Variants in RBFOX3 observed in about 807,000 individuals in gnomAD.
RBFOX3 encodes the protein RNA binding fox-1 homolog 3, also known as RNA binding protein fox-1 homolog 3.
In RBFOX3, 17 loss-of-function variants were observed where a neutral mutation model predicts 48.7. That is an observed-to-expected ratio of 0.35 (90% CI 0.24 to 0.52). The LOEUF is 0.52. RBFOX3 is among the 20% of genes least tolerant of loss of function. RBFOX3 has a pLI of 0.94. For synonymous variants in RBFOX3, 212 were observed against 209.5 expected (o/e 1.01, Z -0.10); for missense variants, 382 against 497.5 (o/e 0.77, Z 2.21).
chr17:79,230,656 C>T (rs913862505), intron 4 of RBFOX3, among the ~76,000 whole-genome samples: 5 of 152,148 alleles, frequency 3.3e-5, no homozygotes, highest in Admixed American at 2.6e-4. Flanking sequence ...CTGCAGAGCC[C>T]TCATCATTGA....
At position 79,482,341 on chromosome 17, in the gene RBFOX3, A is replaced by G. The variant is rs1293979383; in HGVS notation, c.-175+113T>C. The G allele has an allele frequency of 6.6e-6, 1 of 152,194 alleles. No homozygotes were observed. Among genetic ancestry groups the G allele is most frequent in the Admixed American group, 6.5e-5 (1 of 15,282 alleles). The allele number at this position is 152,194 out of a possible 1,614,324, so 9.4% of individuals were successfully genotyped here. Reference sequence around the variant, plus strand: ...TGAAAGCTATAGAGAGCAGCACAGAACGCCCCTACCCCACAACCCTTGCTG... The same window carrying G: ...TGAAAGCTATAGAGAGCAGCACAGAGCGCCCCTACCCCACAACCCTTGCTG... On this transcript the variant is annotated intron_variant, in intron 2 of 14. Transcript: ENST00000693108. This position sits in a 1 kb window ranked among gnomAD's most constrained non-coding sequence, Gnocchi z 4.1.
rs1017793740 is a variant in RBFOX3 at position 79,111,866 on chromosome 17, G to A, written c.222+3628C>T. Among the ~76,000 whole-genome samples the A allele has an allele frequency of 2.6e-5, 4 of 152,264 alleles. No homozygotes were observed. The highest frequency in any genetic ancestry group is 5.9e-5 in the Non-Finnish European group (4 of 68,054). On this transcript the variant is annotated intron_variant, in intron 5 of 14. Transcript: ENST00000693108. This position sits in a 1 kb window ranked among gnomAD's most constrained non-coding sequence, Gnocchi z 4.2. ...CTGGGGAACACAGACCCTGGGGGTGGCTCAAGGTAGTGAGATGGGGTCCCC... is the reference window on the plus strand; with the variant it reads ...CTGGGGAACACAGACCCTGGGGGTGACTCAAGGTAGTGAGATGGGGTCCCC...
At chr17:79,313,970 T>C (rs1380247457) in intron 2 of RBFOX3, among the ~76,000 whole-genome samples, 1 of 152,198 alleles carries the variant, frequency 6.6e-6, no homozygotes, top group Non-Finnish European at 1.5e-5. Context: ...TGCCCGCAAC[T>C]GCTGGGAGGG....
intron 5 of RBFOX3, among the ~76,000 whole-genome samples, chr17:79,109,540 C>T (rs574285031): frequency 2.1e-3 from 322 of 152,336 alleles, no homozygotes; most frequent in Non-Finnish European, 3.8e-3. Context: ...GCTAGACCTC[C>T]GGAGGGGACG....
rs1032528856 is a variant in RBFOX3, at chr17:79,220,836, G to A, written c.-34+14930C>T. Reference sequence around the variant, plus strand: ...GAAGCAGCTCCTGCAGAGGCGGGGCGGCTCTCCAGGCCTGGAGCGTGGGCC... The same window carrying A: ...GAAGCAGCTCCTGCAGAGGCGGGGCAGCTCTCCAGGCCTGGAGCGTGGGCC... On this transcript the variant is annotated intron_variant, in intron 4 of 14. Coordinates refer to ENST00000693108, the MANE Select transcript of RBFOX3 (RefSeq NM_001350451.2). This position sits in a 1 kb window ranked among gnomAD's most constrained non-coding sequence, Gnocchi z 5.9. 2.6e-5 allele frequency among the ~76,000 whole-genome samples: 4 copies of A among 152,066 alleles called. No individual in the cohort carries two copies. Among genetic ancestry groups the A allele is most frequent in the African/African-American group, 7.2e-5 (3 of 41,390 alleles).
At chr17:79,430,279 A>AAT (rs1321390717) in intron 2 of RBFOX3, among the ~76,000 whole-genome samples, 1 of 149,976 alleles carries the variant, frequency 6.7e-6, no homozygotes, top group African/African-American at 2.5e-5. Flanking sequence ...CAAATAAATA[A>AAT]ATAAATAAAT....
chr17:79,163,789 C>T (rs2047448638), intron 4 of RBFOX3, among the ~76,000 whole-genome samples: 2 of 151,078 alleles, frequency 1.3e-5, no homozygotes, highest in South Asian at 4.2e-4. Context: ...AGATGCAGAA[C>T]GGGTCTCCTG....
intron 3 of RBFOX3, among the ~76,000 whole-genome samples, chr17:79,248,679 C>T (rs2063507422): frequency 6.6e-6 from 1 of 152,244 alleles, no homozygotes; most frequent in Non-Finnish European, 1.5e-5. Flanking sequence ...TGCACATCTC[C>T]TCCAGAGGAT....
At chr17:79,488,016 A>G (rs2079911328) in intron 1 of RBFOX3, among the ~76,000 whole-genome samples, 1 of 151,772 alleles carries the variant, frequency 6.6e-6, no homozygotes, top group Admixed American at 6.6e-5. Flanking sequence ...TCAGGCTCCT[A>G]GAGGTGGGGG....
chr17:79,564,340 G>C (rs955387368), intron 1 of RBFOX3, among the ~76,000 whole-genome samples: 1 of 152,102 alleles, frequency 6.6e-6, no homozygotes, highest in African/African-American at 2.4e-5. Context: ...AAGAAAACCA[G>C]GAGCTGGTGT....
At chr17:79,219,283 C>T (rs2059431141) in intron 4 of RBFOX3, among the ~76,000 whole-genome samples, 1 of 152,194 alleles carries the variant, frequency 6.6e-6, no homozygotes, top group African/African-American at 2.4e-5. Context: ...GGGAAAAGTT[C>T]ACCCTACACG....
chr17:79,406,104 G>A (rs1222183657), intron 2 of RBFOX3, among the ~76,000 whole-genome samples: 5 of 152,190 alleles, frequency 3.3e-5, no homozygotes, highest in Non-Finnish European at 1.5e-5. Context: ...GAATGTTTGG[G>A]CTGTTTCCAT....
At chr17:79,397,771 G>C (rs1461448452) in intron 2 of RBFOX3, among the ~76,000 whole-genome samples, 2 of 152,132 alleles carry the variant, frequency 1.3e-5, no homozygotes, top group African/African-American at 4.8e-5. Flanking sequence ...CAGGACGTCG[G>C]GGAACCCTCT....
intron 2 of RBFOX3, among the ~76,000 whole-genome samples, chr17:79,398,912 C>T (rs1598520583): frequency 6.6e-6 from 1 of 152,314 alleles, no homozygotes; most frequent in Non-Finnish European, 1.5e-5. Context: ...TCTTTGGAAA[C>T]AGAGCCTTCG....
intron 2 of RBFOX3, among the ~76,000 whole-genome samples, chr17:79,387,256 A>G (rs894185380): frequency 6.6e-6 from 1 of 152,236 alleles, no homozygotes; most frequent in African/African-American, 2.4e-5. Context: ...GATCTGATAC[A>G]GCCTAGTAAA....
intron 1 of RBFOX3, among the ~76,000 whole-genome samples, chr17:79,569,740 G>A (rs2144502837): frequency 6.6e-6 from 1 of 152,390 alleles, no homozygotes; most frequent in South Asian, 2.1e-4. Context: ...CAACATCTAA[G>A]AGTGTTTGGA....
rs1379323019 is a variant in RBFOX3 at position 79,390,060 on chromosome 17, C to T, written c.-174-82236G>A. ...GTAGCCTCCAGGTCTCCGCAGCCGC[C>T]GGGTCTCCGCAGCCTCCGGGTCTCC... On this transcript the variant is annotated intron_variant, in intron 2 of 14. Transcript: ENST00000693108. The surrounding 1 kb of genome is among the most constrained non-coding windows in gnomAD (Gnocchi z 4.2). 2.7e-5 allele frequency among the ~76,000 whole-genome samples: 4 copies of T among 150,664 alleles called. No homozygotes were observed. Among genetic ancestry groups the T allele is most frequent in the Admixed American group, 1.3e-4 (2 of 15,208 alleles).
At chr17:79,203,167 C>A (rs1381333464) in intron 4 of RBFOX3, among the ~76,000 whole-genome samples, 1 of 151,130 alleles carries the variant, frequency 6.6e-6, no homozygotes, top group Admixed American at 6.6e-5. Context: ...CCAGACATTG[C>A]TAAGGACCAC....
In RBFOX3 at chr17:79,390,044, A is replaced by G. The variant is rs11868264; in HGVS notation, c.-174-82220T>C. 0.24 allele frequency among the ~76,000 whole-genome samples: 13,748 copies of G among 57,424 alleles called. 1,117 individuals are homozygous for G. Among genetic ancestry groups the G allele is most frequent in the African/African-American group, 0.38 (8,948 of 23,782 alleles). The allele number at this position is 57,424 out of a possible 152,430, so 37.7% of individuals were successfully genotyped here. The stretch of plus-strand genomic sequence containing the variant: ...CAGCCTCCAGGTCTCCGTAGCCTCC[A>G]GGTCTCCGCAGCCGCCGGGTCTCCG... On this transcript the variant is annotated intron_variant, in intron 2 of 14. Transcript: ENST00000693108. The surrounding 1 kb of genome is among the most constrained non-coding windows in gnomAD (Gnocchi z 4.2).
Sources: allele counts gnomAD v4.1 joint callset (sites outside exome capture counted in the v4.1 genomes callset), GRCh38; gene constraint gnomAD v4.1.1; non-coding constraint Gnocchi (gnomAD v3.1); transcripts MANE v1.5; gene names NCBI Gene and HGNC (gene_info 2026-07-23, HGNC 2026-07-21).